Variants in NLN observed in about 807,000 individuals in gnomAD.
NLN encodes neurolysin.
A neutral mutation model predicts 79.9 loss-of-function variants in NLN; 64 were observed. That is an observed-to-expected ratio of 0.80 (90% confidence interval 0.65 to 0.99). The LOEUF (loss-of-function observed/expected upper bound fraction) is 0.99. Among genes scored for constraint, NLN ranks in the 50% least tolerant of loss-of-function variants. The pLI is 0.00. For missense variants in NLN, 835 were observed against 858.7 expected, an observed-to-expected ratio of 0.97 and a Z score of 0.34; for synonymous variants, 267 against 296.6, an observed-to-expected ratio of 0.90 and a Z score of 1.02.
rs1031528098 is a variant in NLN, at chr5:65,825,219, C to T, written c.*2304C>T. 11 of 151,136 alleles carry T rather than the reference C, an allele frequency of 7.3e-5. No individual in the cohort carries two copies. Among genetic ancestry groups the T allele is most frequent in the Non-Finnish European group, 1.0e-4 (7 of 67,888 alleles). The allele number at this position is 151,136 out of a possible 1,614,324, so 9.4% of individuals were successfully genotyped here. A position where few individuals can be genotyped will look rare whatever the true frequency, so the allele number is the denominator to read the frequency against. ...CTTTTTTTTTTTTAGTGTGGTCATC[C>T]GTCTAGTTGTTCTTTTTTTCCAGAT... On this transcript the variant is annotated 3_prime_UTR_variant, in exon 13 of 13. Transcript: ENST00000380985.
chr5:65,731,260 C>A (rs900740070), intron 1 of NLN, among the ~76,000 whole-genome samples: 1 of 152,160 alleles, frequency 6.6e-6, no homozygotes, highest in African/African-American at 2.4e-5. Flanking sequence ...TTAGCTCTGC[C>A]ACATTCTACT....
At chr5:65,761,490 C>T (rs1279769242) in intron 2 of NLN, among the ~76,000 whole-genome samples, 1 of 151,990 alleles carries the variant, frequency 6.6e-6, no homozygotes, top group African/African-American at 2.4e-5. Context: ...CAGGATTTCA[C>T]CATGTTGGCC....
At chr5:65,770,746 C>T (rs1266276817) in intron 3 of NLN, among the ~76,000 whole-genome samples, 1 of 152,112 alleles carries the variant, frequency 6.6e-6, no homozygotes, top group Non-Finnish European at 1.5e-5. Context: ...CTCAGATTCC[C>T]ATCAGCAAGA....
At chr5:65,813,165 A>T (rs756084022) in intron 12 of NLN, among the ~76,000 whole-genome samples, 1 of 152,170 alleles carries the variant, frequency 6.6e-6, no homozygotes, top group Non-Finnish European at 1.5e-5. Context: ...ATACATATGT[A>T]TTGAAATACA....
intron 1 of NLN, 133 bp downstream of exon 1, chr5:65,722,547 T>C (rs1311046997): frequency 6.1e-6 from 5 of 818,772 alleles, no homozygotes; most frequent in Non-Finnish European, 9.3e-6. Flanking sequence ...TCCCCGCGGC[T>C]TGCAAGGTGG....
chr5:65,784,839 A>C (rs185312928), intron 6 of NLN, among the ~76,000 whole-genome samples: 1 of 152,050 alleles, frequency 6.6e-6, no homozygotes, highest in Non-Finnish European at 1.5e-5. Flanking sequence ...ATTATCCCCT[A>C]TCCCCAGGCC....
chr5:65,811,670 A>G (rs1246620075), intron 11 of NLN, among the ~76,000 whole-genome samples: 1 of 152,022 alleles, frequency 6.6e-6, no homozygotes, highest in African/African-American at 2.4e-5. Context: ...AAAAAATATG[A>G]AAATTAGCCG....
At chr5:65,748,777 A>T (rs1006266081) in intron 1 of NLN, among the ~76,000 whole-genome samples, 1 of 152,142 alleles carries the variant, frequency 6.6e-6, no homozygotes, top group Admixed American at 6.5e-5. Context: ...GAAAAAAGAA[A>T]CTGAAGTTAA....
At chr5:65,739,061 C>G (rs996897527) in intron 1 of NLN, among the ~76,000 whole-genome samples, 2 of 92,680 alleles carry the variant, frequency 2.2e-5, no homozygotes, top group South Asian at 5.9e-4. Context: ...TATAAATTAG[C>G]CTGGCTAAAT....
chr5:65,801,326 T>G (rs1760281883), intron 9 of NLN, among the ~76,000 whole-genome samples: 1 of 152,220 alleles, frequency 6.6e-6, no homozygotes, highest in Non-Finnish European at 1.5e-5. Context: ...TGGGGAATGG[T>G]ATTTGTTGGC....
At chr5:65,724,897 G>A (rs1470243282) in intron 1 of NLN, among the ~76,000 whole-genome samples, 2 of 151,248 alleles carry the variant, frequency 1.3e-5, no homozygotes, top group Non-Finnish European at 2.9e-5. Context: ...CGCCTCCCGG[G>A]TTCACGCCAT....
At chr5:65,730,724 T>C (rs1161049591) in intron 1 of NLN, among the ~76,000 whole-genome samples, 2 of 152,006 alleles carry the variant, frequency 1.3e-5, no homozygotes, top group African/African-American at 4.8e-5. Flanking sequence ...GCCCAGCTAA[T>C]TTTTGTATTT....
chr5:65,812,753 G>T (rs1760581280), intron 12 of NLN, among the ~76,000 whole-genome samples: 1 of 152,172 alleles, frequency 6.6e-6, no homozygotes, highest in African/African-American at 2.4e-5. Flanking sequence ...ACTCCTTCCT[G>T]ATGTAAATGG....
rs1333575108 is a variant in NLN, at chr5:65,755,404, G to A, written c.42-3163G>A. On this transcript the variant is annotated intron_variant, in intron 1 of 12. Transcript: ENST00000380985. ...CTTTGATTTCCAGTTTCAGCTTCTC[G>A]AAAGTGGAACATGCGTATAAGGAAA... 2.0e-5 allele frequency among the ~76,000 whole-genome samples: 3 copies of A among 152,046 alleles called. No individual in the cohort carries two copies. The East Asian group carries it at 5.8e-4, about 29-fold the overall frequency.
At chr5:65,820,812 C>G (rs1760776721) in intron 12 of NLN, among the ~76,000 whole-genome samples, 1 of 151,962 alleles carries the variant, frequency 6.6e-6, no homozygotes, top group Non-Finnish European at 1.5e-5. Flanking sequence ...GAGGCCGAGG[C>G]AGGCAGATCA....
chr5:65,801,805 T>TA (rs925672679), intron 9 of NLN, among the ~76,000 whole-genome samples: 19 of 70,880 alleles, frequency 2.7e-4, no homozygotes, highest in African/African-American at 1.2e-3. Flanking sequence ...GCTCATGAAT[T>TA]ATCATTTGTG....
chr5:65,731,246 C>T (rs1264365810), intron 1 of NLN, among the ~76,000 whole-genome samples: 2 of 152,204 alleles, frequency 1.3e-5, no homozygotes, highest in African/African-American at 4.8e-5. Flanking sequence ...GAACTGGAAC[C>T]TCATTAGCTC....
At chr5:65,734,702 A>G (rs915221107) in intron 1 of NLN, among the ~76,000 whole-genome samples, 2 of 152,176 alleles carry the variant, frequency 1.3e-5, no homozygotes, top group Admixed American at 1.3e-4. Context: ...GGAAAATTCT[A>G]TTTCTGCCTC....
chr5:65,762,656 T>C (rs1759362731), intron 2 of NLN, among the ~76,000 whole-genome samples: 1 of 151,848 alleles, frequency 6.6e-6, no homozygotes, highest in African/African-American at 2.4e-5. Context: ...TGAGCTGTGA[T>C]TGCACCACTG....
Sources: gnomAD v4.1 joint callset for allele counts (sites outside exome capture counted in the v4.1 genomes callset) on GRCh38, gnomAD v4.1.1 for gene constraint, MANE v1.5 for transcripts, NCBI Gene and HGNC (gene_info 2026-07-23, HGNC 2026-07-21) for gene names.